The following DOCK10 variants were observed in gnomAD, a reference collection of about 807,000 sequenced individuals.
The protein encoded by DOCK10 is dedicator of cytokinesis 10, also known as dedicator of cytokinesis protein 10.
DOCK10 carries 145 observed loss-of-function variants against 280.1 expected under a neutral mutation model. The observed-to-expected ratio is 0.52, with a 90% CI of 0.45 to 0.59. The LOEUF is 0.59. Among genes scored for constraint, DOCK10 ranks in the 20% least tolerant of loss-of-function variants. DOCK10 has a pLI of 0.00. For missense variants in DOCK10, 2,368 were observed against 2,651.7 expected, an observed-to-expected ratio of 0.89 and a Z score of 2.35; for synonymous variants, 915 against 942.2, an observed-to-expected ratio of 0.97 and a Z score of 0.53.
chr2:224,919,469 TGTGA>T (rs374921520), intron 2 of DOCK10, among the ~76,000 whole-genome samples: 4 of 151,106 alleles, frequency 2.6e-5, no homozygotes, highest in African/African-American at 9.7e-5. Context: ...GATGTGTCAG[TGTGA>T]GTGTGGATGG....
chr2:225,024,534 T>C (rs549898590), intron 1 of DOCK10, among the ~76,000 whole-genome samples: 2 of 152,326 alleles, frequency 1.3e-5, no homozygotes, highest in East Asian at 3.9e-4. Context: ...TATTTTACAA[T>C]TGTTTTACAA....
chr2:224,974,874 G>A (rs189313895), intron 1 of DOCK10, among the ~76,000 whole-genome samples: 24 of 94,042 alleles, frequency 2.6e-4, no homozygotes, highest in African/African-American at 4.3e-4. Context: ...GTATATATAC[G>A]TGTGTGTGTG....
intron 1 of DOCK10, among the ~76,000 whole-genome samples, chr2:225,035,685 C>T (rs995767444): frequency 2.7e-5 from 4 of 147,512 alleles, no homozygotes; most frequent in African/African-American, 7.6e-5. Context: ...TTAGTCAGTG[C>T]GGGCTGCCAT....
chr2:224,971,585 A>T (rs957463601), intron 1 of DOCK10, among the ~76,000 whole-genome samples: 1 of 152,320 alleles, frequency 6.6e-6, no homozygotes, highest in East Asian at 1.9e-4. Context: ...AGTGGCTATG[A>T]AGTCCTTGAA....
At chr2:224,772,501 T>C (rs1263786798) in intron 53 of DOCK10, among the ~76,000 whole-genome samples, 1 of 152,138 alleles carries the variant, frequency 6.6e-6, no homozygotes, top group Non-Finnish European at 1.5e-5. Flanking sequence ...AAGTCACTCC[T>C]GTCTACTTGT....
In DOCK10 at chr2:224,887,206, T is replaced by C. The variant is rs1301648998; in HGVS notation, c.417-675A>G. On this transcript the variant is annotated intron_variant, in intron 4 of 55. Coordinates refer to ENST00000258390, the MANE Select transcript of DOCK10 (RefSeq NM_014689.3). ...TTAATAAGTAGTGATATTTTCATTG[T>C]CATTTCTGTGTCATCTGTATGTGAC... 4.6e-5 allele frequency among the ~76,000 whole-genome samples: 7 copies of C among 152,204 alleles called. No individual in the cohort carries two copies. In the East Asian group the frequency reaches 7.7e-4, roughly 17 times the overall value.
Position 224,881,251 on chromosome 2 carries a change from T to C in DOCK10, c.747+4420A>G, listed in dbSNP as rs77306791. Among the ~76,000 whole-genome samples the C allele has an allele frequency of 1.4e-4, 21 of 152,250 alleles. No individual in the cohort carries two copies. In the East Asian group the frequency reaches 4.1e-3, roughly 29 times the overall value. ...CTTGTTTTCTTTGCATGTACCATAT[T>C]TGTTTTGTTTTTTTTTCTGTGCATC... is the stretch of plus-strand genomic sequence containing the variant. On this transcript the variant is annotated intron_variant, in intron 7 of 55. Transcript: ENST00000258390.
At chr2:224,912,221 C>T (rs7591500) in intron 3 of DOCK10, among the ~76,000 whole-genome samples, 77,038 of 151,472 alleles carry the variant, frequency 0.51, 20,205 homozygotes, top group Non-Finnish European at 0.57. Context: ...CTGCAACCTC[C>T]GCCTTCTAGG....
intron 52 of DOCK10, among the ~76,000 whole-genome samples, 174 bp downstream of exon 52, chr2:224,774,731 G>C (rs540290447): frequency 6.6e-6 from 1 of 152,294 alleles, no homozygotes; most frequent in African/African-American, 2.4e-5. Flanking sequence ...GTTGACTTCT[G>C]TTAATGGAGA....
chr2:224,997,817 A>G (rs1280384442), intron 1 of DOCK10, among the ~76,000 whole-genome samples: 1 of 152,096 alleles, frequency 6.6e-6, no homozygotes, highest in Non-Finnish European at 1.5e-5. Context: ...GCTACCAAAC[A>G]CGCAATATGG....
intron 1 of DOCK10, among the ~76,000 whole-genome samples, chr2:224,986,949 C>T (rs996693676): frequency 1.3e-5 from 2 of 152,136 alleles, no homozygotes; most frequent in Non-Finnish European, 2.9e-5. Context: ...TGAATTAACC[C>T]CCGCCTTCCT....
intron 1 of DOCK10, among the ~76,000 whole-genome samples, chr2:224,933,131 T>C (rs1260718591): frequency 2.0e-5 from 3 of 152,186 alleles, no homozygotes; most frequent in Non-Finnish European, 4.4e-5. Flanking sequence ...TTGACGAACA[T>C]ATTTAATGAA....
At chr2:224,964,400 C>T (rs1704615509) in intron 1 of DOCK10, among the ~76,000 whole-genome samples, 1 of 152,100 alleles carries the variant, frequency 6.6e-6, no homozygotes, top group South Asian at 2.1e-4. Context: ...TAAAGAGGCA[C>T]AGGAACCATG....
At position 224,916,387 on chromosome 2, in the gene DOCK10, A is replaced by G. The variant is rs193284452; in HGVS notation, c.333+308T>C. 5.0e-4 allele frequency among the ~76,000 whole-genome samples: 76 copies of G among 152,218 alleles called. No individual in the cohort carries two copies. In the East Asian group the frequency reaches 0.014, roughly 28 times the overall value. ...GAAACCCTGTCTCTACTAAAAATAC[A>G]AAAATTAGCCAGGTGTGATGGCGTG... On this transcript the variant is annotated intron_variant, in intron 3 of 55. Coordinates refer to ENST00000258390, the MANE Select transcript of DOCK10 (RefSeq NM_014689.3).
rs1165965768 is a variant in DOCK10 at position 224,807,701 on chromosome 2, G to A, written c.3669C>T (p.Asp1223=). Residue 1223 remains aspartate (D), a synonymous_variant, in exon 33 of 56, where the codon GAC becomes GAT. Transcript: ENST00000258390. ...ATGTATTGACAGTAAAAGGATACAG[G>A]TCCTTCAGATAAATCCTTGGCATAT... ...LDNMPRIYLK[D]LYPFTVNTSN... 21 of 1,570,350 alleles carry A rather than the reference G, an allele frequency of 1.3e-5. No individual in the cohort carries two copies. Among genetic ancestry groups the A allele is most frequent in the Non-Finnish European group, 8.7e-7 (1 of 1,155,842 alleles).
intron 1 of DOCK10, among the ~76,000 whole-genome samples, chr2:225,016,816 C>T (rs1220783224): frequency 6.6e-6 from 1 of 151,628 alleles, no homozygotes; most frequent in Non-Finnish European, 1.5e-5. Flanking sequence ...GATTCTCTTG[C>T]CTTGGCCTCC....
intron 7 of DOCK10, among the ~76,000 whole-genome samples, chr2:224,876,525 T>A (rs1183836662): frequency 6.6e-6 from 1 of 152,228 alleles, no homozygotes; most frequent in East Asian, 1.9e-4. Context: ...AGAGTTTCTT[T>A]GAGTTTCTGC....
In DOCK10 at chr2:224,765,091, G is replaced by A. The variant is rs998098695; in HGVS notation, c.*630C>T. ...CCCACTCTTCAACAGGAAACCAAAT[G>A]CAAAGTAACTGTGTTTTTTATTTCT... is the stretch of plus-strand genomic sequence containing the variant. On this transcript the variant is annotated 3_prime_UTR_variant, in exon 56 of 56. Transcript: ENST00000258390. 1 of 152,596 alleles carries A rather than the reference G, an allele frequency of 6.6e-6. No homozygotes were observed. Among genetic ancestry groups the A allele is most frequent in the African/African-American group, 2.4e-5 (1 of 41,442 alleles). 9.5% of individuals were successfully genotyped at this position (152,596 alleles called of 1,614,324 possible).
chr2:224,960,727 A>ATTTTTTT (rs1704314987), intron 1 of DOCK10, among the ~76,000 whole-genome samples: 2 of 105,098 alleles, frequency 1.9e-5, no homozygotes, highest in African/African-American at 7.1e-5. Context: ...GCATCACCAA[A>ATTTTTTT]TTCTTTTTTT....
Sources: allele counts gnomAD v4.1 joint callset (sites outside exome capture counted in the v4.1 genomes callset), GRCh38; gene constraint gnomAD v4.1.1; transcripts MANE v1.5; gene names NCBI Gene and HGNC (gene_info 2026-07-23, HGNC 2026-07-21).